CFAP91: variants seen among roughly 807,000 people sequenced by gnomAD.
The protein encoded by CFAP91 is cilia and flagella associated protein 91.
In CFAP91, 85 loss-of-function variants were observed where a neutral mutation model predicts 95.9. The observed-to-expected ratio is 0.89, with a 90% CI of 0.74 to 1.06. The LOEUF (loss-of-function observed/expected upper bound fraction) is 1.06, where lower values mean the gene tolerates loss of function less well. Among genes scored for constraint, CFAP91 ranks in the 50% least tolerant of loss-of-function variants. CFAP91 has a pLI of 0.00. For missense variants in CFAP91, 962 were observed against 943.4 expected (o/e 1.02, Z -0.26); for synonymous variants, 335 against 327.5 (o/e 1.02, Z -0.25).
In CFAP91 at chr3:119,744,123, G is replaced by C. The variant is rs144518308; in HGVS notation, c.1829G>C (p.Arg610Pro). 1.2e-6 allele frequency: 2 copies of C among 1,613,938 alleles called. No homozygotes were observed. Among genetic ancestry groups the C allele is most frequent in the Non-Finnish European group, 1.7e-6 (2 of 1,180,010 alleles). Residue 610 changes from arginine (R) to proline (P), a missense_variant, in exon 14 of 18, where the codon CGA (arginine) becomes CCA (proline). Transcript: ENST00000273390. ...CTGGCTGAGCGCCAGCGGCGGGTAC[G>C]AGAGGCTGAAGAGAGTGGTCGGCGC... ...VMLAERQRRV[R>P]EAEESGRRQV...
chr3:119,744,299 T>TAG, intron 14 of CFAP91, 103 bp downstream of exon 14: 1 of 886,956 alleles, frequency 1.1e-6, no homozygotes, highest in Non-Finnish European at 1.7e-6. Flanking sequence ...GTTTATGCAT[T>TAG]GAGTTCCTAC....
intron 17 of CFAP91, among the ~76,000 whole-genome samples, chr3:119,757,248 TTAACAGAAC>T (rs1324470137): frequency 2.0e-5 from 3 of 152,140 alleles, no homozygotes; most frequent in Non-Finnish European, 4.4e-5. Context: ...GTAGCAAAAT[TTAACAGAAC>T]TGCCTGGAGA....
At chr3:119,730,631 TGTGTG>T in intron 8 of CFAP91, among the ~76,000 whole-genome samples, 1 of 149,276 alleles carries the variant, frequency 6.7e-6, no homozygotes, top group South Asian at 2.1e-4. Context: ...TGTGTGTGTG[TGTGTG>T]TGTGTGTGTG....
intron 6 of CFAP91, among the ~76,000 whole-genome samples, chr3:119,723,874 A>G (rs1559753711): frequency 1.3e-5 from 2 of 152,150 alleles, no homozygotes; most frequent in South Asian, 4.1e-4. Context: ...AAAAGTGCTT[A>G]AATAGCCAGG....
intron 1 of CFAP91, chr3:119,705,912 T>G (rs1440612870): frequency 6.6e-6 from 1 of 152,206 alleles, no homozygotes; most frequent in Non-Finnish European, 1.5e-5. Context: ...ATCGTATTTG[T>G]TGGGTTACTA....
intron 7 of CFAP91, among the ~76,000 whole-genome samples, chr3:119,727,446 T>C (rs2053804206): frequency 6.6e-6 from 1 of 152,214 alleles, no homozygotes; most frequent in South Asian, 2.1e-4. Context: ...AAAATGTATC[T>C]GGCCAGAGTG....
intron 16 of CFAP91, among the ~76,000 whole-genome samples, chr3:119,749,518 G>A (rs1361779413): frequency 6.6e-6 from 1 of 151,082 alleles, no homozygotes; most frequent in African/African-American, 2.4e-5. Flanking sequence ...ATGAGACCCT[G>A]TCTAAAAAAA....
intron 17 of CFAP91, among the ~76,000 whole-genome samples, chr3:119,764,183 A>G (rs1372216114): frequency 6.6e-6 from 1 of 152,102 alleles, no homozygotes; most frequent in Non-Finnish European, 1.5e-5. Context: ...AGAGAATCAG[A>G]AACGGTATTT....
At chr3:119,756,024 G>A (rs1286293575) in intron 17 of CFAP91, among the ~76,000 whole-genome samples, 1 of 152,092 alleles carries the variant, frequency 6.6e-6, no homozygotes, top group African/African-American at 2.4e-5. Context: ...GGAATAATAT[G>A]TTGGGAGATC....
At chr3:119,703,879 G>T (rs2053308997) in intron 1 of CFAP91, among the ~76,000 whole-genome samples, 1 of 152,062 alleles carries the variant, frequency 6.6e-6, no homozygotes. Context: ...TATACTAGGC[G>T]CTTCAATAAA....
chr3:119,728,592 G>A (rs1282266920), intron 7 of CFAP91, among the ~76,000 whole-genome samples: 1 of 152,130 alleles, frequency 6.6e-6, no homozygotes, highest in Admixed American at 6.6e-5. Context: ...GGGGTGTGTG[G>A]CTTAGTTTTA....
chr3:119,714,328 T>C (rs1025780827), intron 5 of CFAP91, among the ~76,000 whole-genome samples: 4 of 145,378 alleles, frequency 2.8e-5, no homozygotes, highest in Non-Finnish European at 5.9e-5. Flanking sequence ...ATCGCGCTAC[T>C]GCACTCTAAC....
At chr3:119,750,898 G>A (rs908123779) in intron 16 of CFAP91, 39 bp from the exon 17 acceptor site, 7 of 1,611,754 alleles carry the variant, frequency 4.3e-6, no homozygotes, top group Middle Eastern at 1.6e-4. Flanking sequence ...GTTTTGTTCA[G>A]ACTTTCAGAA....
chr3:119,761,711 A>T (rs924446509), intron 17 of CFAP91, among the ~76,000 whole-genome samples: 1 of 152,006 alleles, frequency 6.6e-6, no homozygotes, highest in African/African-American at 2.4e-5. Flanking sequence ...GTGATATACC[A>T]TATTAACAGA....
chr3:119,711,172 G>A (rs2107857557), intron 5 of CFAP91, among the ~76,000 whole-genome samples: 1 of 152,274 alleles, frequency 6.6e-6, no homozygotes, highest in Middle Eastern at 3.4e-3. Flanking sequence ...ATAAATGCTA[G>A]TTATGACTCT....
intron 1 of CFAP91, chr3:119,706,575 C>T (rs55768636): frequency 0.065 from 31,019 of 479,954 alleles, 1,279 homozygotes; most frequent in Middle Eastern, 0.087. Context: ...ATTCCACTTC[C>T]GTAAGCTGAC....
In CFAP91 at chr3:119,744,144, G is replaced by T; in HGVS notation, c.1850G>T (p.Arg617Leu). The T allele has an allele frequency of 6.2e-7, 1 of 1,613,858 alleles. No individual in the cohort carries two copies. The highest frequency in any genetic ancestry group is 8.5e-7 in the Non-Finnish European group (1 of 1,179,854). ...GTACGAGAGGCTGAAGAGAGTGGTC[G>T]GCGCCAGGTGGAAAAACAGCGCCTG... is the stretch of plus-strand genomic sequence containing the variant. ...RRVREAEESG[R>L]RQVEKQRLRE... The change falls in exon 14 of 18, where the codon CGG (arginine) becomes CTG (leucine). Residue 617 changes from arginine to leucine, a missense_variant. Coordinates refer to ENST00000273390, the MANE Select transcript of CFAP91 (RefSeq NM_033364.4).
chr3:119,750,531 T>C (rs1408064132), intron 16 of CFAP91: 1 of 196,224 alleles, frequency 5.1e-6, no homozygotes, highest in Non-Finnish European at 1.1e-5. Flanking sequence ...GTCTTTATAT[T>C]TGTAAGTTAC....
chr3:119,707,376 G>A (rs754541521), intron 2 of CFAP91, 28 bp from the exon 3 acceptor site: 2 of 1,480,056 alleles, frequency 1.4e-6, no homozygotes, highest in Non-Finnish European at 1.8e-6. Context: ...GTATAATTTT[G>A]TCCTTTGCCT....
Sources: gnomAD v4.1 joint callset for allele counts (sites outside exome capture counted in the v4.1 genomes callset) on GRCh38, gnomAD v4.1.1 for gene constraint, MANE v1.5 for transcripts, NCBI Gene and HGNC (gene_info 2026-07-23, HGNC 2026-07-21) for gene names.